LARGE1: variants seen among roughly 807,000 people sequenced by gnomAD.
LARGE1 encodes xylosyl- and glucuronyltransferase LARGE1.
LARGE1 carries 43 observed loss-of-function variants against 87.6 expected under a neutral mutation model. That is an observed-to-expected ratio of 0.49 (90% CI 0.38 to 0.63). LARGE1 has a LOEUF of 0.63. Ranked by LOEUF, LARGE1 falls within the 30% of genes least tolerant of loss-of-function variation. The pLI is 0.00. For synonymous variants in LARGE1, 434 were observed against 394.6 expected (o/e 1.10, Z -1.18); for missense variants, 802 against 1,000.2 (o/e 0.80, Z 2.67).
chr22:33,494,175 T>C (rs1035144314), intron 6 of LARGE1, among the ~76,000 whole-genome samples: 1 of 152,216 alleles, frequency 6.6e-6, no homozygotes, highest in Non-Finnish European at 1.5e-5. Context: ...GCTTTGCATA[T>C]GGTCTTTGAT....
At chr22:33,213,991 G>A (rs1220247013) in intron 11 of LARGE1, among the ~76,000 whole-genome samples, 1 of 152,122 alleles carries the variant, frequency 6.6e-6, no homozygotes, top group Non-Finnish European at 1.5e-5. Context: ...AGCACGCCTG[G>A]CTAATTTTTC....
intron 9 of LARGE1, among the ~76,000 whole-genome samples, chr22:33,348,656 C>T (rs140411885): frequency 0.01 from 1,582 of 151,706 alleles, 10 homozygotes; most frequent in South Asian, 0.017. Flanking sequence ...AGGGAGCCAT[C>T]GTCCAATCCA....
intron 2 of LARGE1, among the ~76,000 whole-genome samples, chr22:33,760,233 C>T (rs764068857): frequency 6.6e-5 from 10 of 152,164 alleles, no homozygotes; most frequent in Non-Finnish European, 1.2e-4. Context: ...CACTGCCGTT[C>T]CCTCTCTCTC....
chr22:33,353,434 A>C (rs1427723488), intron 9 of LARGE1, among the ~76,000 whole-genome samples: 1 of 151,918 alleles, frequency 6.6e-6, no homozygotes, highest in African/African-American at 2.4e-5. Context: ...AATGGCTGTA[A>C]AAATACACAA....
At chr22:33,077,127 T>C in the LARGE1 span, among the ~76,000 whole-genome samples, 1 of 152,320 alleles carries the variant, frequency 6.6e-6, no homozygotes, top group Non-Finnish European at 1.5e-5. Context: ...CTATGTATTA[T>C]TGTTATTATT....
chr22:33,139,588 A>G, the LARGE1 span, among the ~76,000 whole-genome samples: 21 of 151,926 alleles, frequency 1.4e-4, no homozygotes, highest in African/African-American at 5.1e-4. Context: ...TAAATTTTCT[A>G]TTTCAGTTCT....
chr22:33,283,857 T>A (rs1398751623), intron 12 of LARGE1, among the ~76,000 whole-genome samples: 93 of 82,824 alleles, frequency 1.1e-3, no homozygotes, highest in East Asian at 2.2e-3. Flanking sequence ...AAAGAAAAAG[T>A]AAAGAAAGAA....
intron 6 of LARGE1, among the ~76,000 whole-genome samples, chr22:33,561,148 T>C (rs2077846450): frequency 6.6e-6 from 1 of 152,228 alleles, no homozygotes; most frequent in African/African-American, 2.4e-5. Flanking sequence ...GCTCAGTGCC[T>C]AGAACCTAAG....
At chr22:33,309,165 C>T (rs1201892394) in intron 11 of LARGE1, among the ~76,000 whole-genome samples, 5 of 148,622 alleles carry the variant, frequency 3.4e-5, no homozygotes, top group East Asian at 3.9e-4. Context: ...GAATGAGATT[C>T]GTGCCTTTTT....
chr22:33,715,259 T>C (rs1168026225), intron 2 of LARGE1, among the ~76,000 whole-genome samples: 1 of 152,198 alleles, frequency 6.6e-6, no homozygotes, highest in African/African-American at 2.4e-5. Context: ...CACAGGCGTT[T>C]CTCATGTCTT....
At chr22:33,278,583 ACACACG>A (rs141039873) in intron 13 of LARGE1, among the ~76,000 whole-genome samples, 2 of 148,494 alleles carry the variant, frequency 1.3e-5, no homozygotes, top group Admixed American at 1.3e-4. Context: ...ACACACACAC[ACACACG>A]CAGATATTGT....
intron 11 of LARGE1, among the ~76,000 whole-genome samples, chr22:33,203,743 A>C (rs1191299512): frequency 1.3e-5 from 2 of 152,166 alleles, no homozygotes; most frequent in African/African-American, 2.4e-5. Context: ...TCTTCCCAGA[A>C]TGCTTTTCCC....
Position 33,550,142 on chromosome 22 carries a change from TACAC to T in LARGE1, c.787+14702_787+14705del, listed in dbSNP as rs5845093. ...CACATGTACCCTAGAACTTAAAGTA[TACAC>T]ACACACACACACACACACACACACA... On this transcript the variant is annotated intron_variant, in intron 6 of 14. Coordinates refer to ENST00000397394, the MANE Select transcript of LARGE1 (RefSeq NM_133642.5). Among the ~76,000 whole-genome samples, 1,112 of 142,322 alleles carry T rather than the reference TACAC, an allele frequency of 7.8e-3. 13 individuals carry two copies. The highest frequency in any genetic ancestry group is 0.045 in the South Asian group (187 of 4,176). 93.4% of individuals were successfully genotyped at this position (142,322 alleles called of 152,430 possible).
chr22:33,263,069 T>C lies in LARGE1; in HGVS notation c.1730+41160A>G, dbSNP rs527499139. On this transcript the variant is annotated intron_variant, in intron 11 of 11. Coordinates refer to the LARGE1 transcript ENST00000608642. ...CACCATGCCCAGCTAGTTTTTTGTA[T>C]TTTTAGTCGAGACGAGGTTTCACCA... is the stretch of plus-strand genomic sequence containing the variant. 2.3e-4 allele frequency among the ~76,000 whole-genome samples: 35 copies of C among 152,182 alleles called. 1 individual carries two copies. The South Asian group carries it at 7.3e-3, about 32-fold the overall frequency.
At chr22:33,080,600 G>A in the LARGE1 span, among the ~76,000 whole-genome samples, 2 of 152,180 alleles carry the variant, frequency 1.3e-5, no homozygotes, top group Non-Finnish European at 2.9e-5. Flanking sequence ...TGGCTTATGT[G>A]CCTAGAAGTG....
intron 11 of LARGE1, among the ~76,000 whole-genome samples, chr22:33,212,742 G>C (rs952803957): frequency 5.3e-5 from 8 of 152,214 alleles, no homozygotes; most frequent in African/African-American, 1.9e-4. Context: ...TGTGGGCCGG[G>C]TGCGGTAGCT....
the LARGE1 span, among the ~76,000 whole-genome samples, chr22:33,084,017 C>G: frequency 3.9e-5 from 6 of 152,172 alleles, no homozygotes; most frequent in African/African-American, 1.4e-4. Context: ...ACTTTACACC[C>G]CAGTAAACCA....
chr22:33,215,694 C>T (rs1387800618), intron 11 of LARGE1, among the ~76,000 whole-genome samples: 2 of 152,118 alleles, frequency 1.3e-5, no homozygotes, highest in South Asian at 2.1e-4. Context: ...TGGTGGCTCA[C>T]GCCTTTAATC....
intron 5 of LARGE1, chr22:33,572,055 G>A (rs2078220726): frequency 4.3e-6 from 2 of 467,716 alleles, no homozygotes; most frequent in East Asian, 7.1e-5. Context: ...AGTATATCCT[G>A]CTTCCTTCCT....
Sources: gnomAD v4.1 joint callset for allele counts (sites outside exome capture counted in the v4.1 genomes callset) on GRCh38, gnomAD v4.1.1 for gene constraint, MANE v1.5 for transcripts, NCBI Gene and HGNC (gene_info 2026-07-23, HGNC 2026-07-21) for gene names.